MS4A10: variants seen among roughly 807,000 people sequenced by gnomAD.
MS4A10 encodes membrane spanning 4-domains A10.
MS4A10 carries 27 observed loss-of-function variants against 27.7 expected under a neutral mutation model. The ratio of observed to expected loss-of-function variants is 0.98; its 90% CI spans 0.72 to 1.35. MS4A10 has a LOEUF of 1.35. Ranked by LOEUF, MS4A10 falls within the 40% of genes most tolerant of loss-of-function variation. The pLI is 0.00. For missense variants in MS4A10, 338 were observed against 324.7 expected, an observed-to-expected ratio of 1.04 and a Z score of -0.32; for synonymous variants, 139 against 131.2, an observed-to-expected ratio of 1.06 and a Z score of -0.41.
chr11:60,796,483 G>A (rs894166134), intron 6 of MS4A10, among the ~76,000 whole-genome samples: 13 of 152,062 alleles, frequency 8.5e-5, no homozygotes, highest in African/African-American at 3.1e-4. Flanking sequence ...ATGAGGTTTT[G>A]CCATCCTGGC....
intron 3 of MS4A10, among the ~76,000 whole-genome samples, chr11:60,791,751 G>A (rs1854434170): frequency 6.6e-6 from 1 of 152,238 alleles, no homozygotes; most frequent in Non-Finnish European, 1.5e-5. Flanking sequence ...CACAGTGATA[G>A]AACTTTCCAC....
chr11:60,789,370 G>T (rs575077602), intron 1 of MS4A10, among the ~76,000 whole-genome samples: 24 of 152,286 alleles, frequency 1.6e-4, no homozygotes, highest in Admixed American at 1.4e-3. Context: ...GACTACGTTG[G>T]ATTTTCTCAC....
intron 5 of MS4A10, among the ~76,000 whole-genome samples, chr11:60,795,163 C>T (rs1215358949): frequency 6.6e-6 from 1 of 152,170 alleles, no homozygotes; most frequent in East Asian, 1.9e-4. Flanking sequence ...TGACTCCCAG[C>T]TGCACGGCTC....
At chr11:60,789,176 G>C (rs1466216677) in intron 1 of MS4A10, among the ~76,000 whole-genome samples, 3 of 152,186 alleles carry the variant, frequency 2.0e-5, no homozygotes, top group Non-Finnish European at 4.4e-5. Context: ...CCACAAGTCA[G>C]ACTTAAAAGT....
chr11:60,793,126 G>A (rs577911222), intron 4 of MS4A10, among the ~76,000 whole-genome samples: 1 of 152,222 alleles, frequency 6.6e-6, no homozygotes. Context: ...CCCAAGCCAG[G>A]TCCTTCCCTA....
chr11:60,799,406 T>C (rs1346699805), intron 7 of MS4A10, among the ~76,000 whole-genome samples: 2 of 152,230 alleles, frequency 1.3e-5, no homozygotes, highest in East Asian at 3.8e-4. Flanking sequence ...CCACACTGAT[T>C]CTTTTTTCTA....
rs374415721 is a variant in MS4A10, at chr11:60,797,876, C to A, written c.604-520C>A. Among the ~76,000 whole-genome samples the A allele has an allele frequency of 1.2e-3, 188 of 152,330 alleles. 5 individuals carry two copies. In the South Asian group the frequency reaches 0.036, roughly 29 times the overall value. On this transcript the variant is annotated intron_variant, in intron 6 of 7. Transcript: ENST00000308287. ...TACGTGACTTCCCATGGTCTCACAG[C>A]CAGTAAGTGGCCATGCCAGGTTCCC... is the stretch of plus-strand genomic sequence containing the variant.
chr11:60,798,392 G>T lies in MS4A10; in HGVS notation c.604-4G>T, dbSNP rs368935333. The T allele has an allele frequency of 1.2e-6, 2 of 1,611,902 alleles. No homozygotes were observed. The highest frequency in any genetic ancestry group is 1.7e-6 in the Non-Finnish European group (2 of 1,178,378). On this transcript the variant is annotated splice_polypyrimidine_tract_variant and splice_region_variant and intron_variant, in intron 6 of 7. Transcript: ENST00000308287. ...CAGCAGGGGCGGCGACTTTTCTTTCGCAGAATGATGATGCATGCCTTGTTC... is the reference window on the plus strand; with the variant it reads ...CAGCAGGGGCGGCGACTTTTCTTTCTCAGAATGATGATGCATGCCTTGTTC...
rs775191034 is a variant in MS4A10 at position 60,790,385 on chromosome 11, C to A, written c.50C>A (p.Pro17Gln). ...VIPSRCARGL[P>Q]SWQVLSPVQP... is the part of the protein sequence containing the mutation. ...CCCAGCCGTTGTGCTAGGGGGCTCC[C>A]ATCATGGCAAGTCCTCAGCCCAGTC... Residue 17 changes from proline (P) to glutamine (Q), a missense_variant, in exon 2 of 8, where the codon CCA (proline) becomes CAA (glutamine). By Grantham distance (76) the Pro-to-Gln change is moderately conservative. Transcript: ENST00000308287. 1 of 1,614,144 alleles carries A rather than the reference C, an allele frequency of 6.2e-7. No individual in the cohort carries two copies. Among genetic ancestry groups the A allele is most frequent in the Non-Finnish European group, 8.5e-7 (1 of 1,180,012 alleles).
At chr11:60,798,543 A>G (rs747800963) in intron 7 of MS4A10, 29 bp downstream of exon 7, 1 of 1,549,608 alleles carries the variant, frequency 6.5e-7, no homozygotes. Flanking sequence ...GGCTCCCCAG[A>G]CCTTCAGAAC....
At chr11:60,791,181 G>T in intron 3 of MS4A10, 88 bp downstream of exon 3, 1 of 1,554,326 alleles carries the variant, frequency 6.4e-7, no homozygotes, top group South Asian at 1.2e-5. Context: ...ATGCAGGGTG[G>T]GATAGAGAGA....
chr11:60,786,150 C>A (rs1262683845), intron 1 of MS4A10, among the ~76,000 whole-genome samples: 1 of 148,254 alleles, frequency 6.7e-6, no homozygotes, highest in Non-Finnish European at 1.5e-5. Context: ...CCTTGACATG[C>A]ATGCACATGC....
chr11:60,786,172 T>TGC (rs1854332178), intron 1 of MS4A10, among the ~76,000 whole-genome samples: 1 of 131,380 alleles, frequency 7.6e-6, no homozygotes, highest in Non-Finnish European at 1.7e-5. Context: ...TGCACACACA[T>TGC]GCACACACAC....
In MS4A10 at chr11:60,800,054, T is replaced by C. The variant is rs1854606833; in HGVS notation, c.*145T>C. On this transcript the variant is annotated 3_prime_UTR_variant, in exon 8 of 8. Transcript: ENST00000308287. ...CAGCAAAGTCAGCCCTCACAGCTCC[T>C]GGGAACGCTGTCCTCTCAGATAAGC... 2 of 347,424 alleles carry C rather than the reference T, an allele frequency of 5.8e-6. No homozygotes were observed. The highest frequency in any genetic ancestry group is 5.3e-5 in the African/African-American group (2 of 38,090). The allele number at this position is 347,424 out of a possible 1,614,324, so 21.5% of individuals were successfully genotyped here.
At chr11:60,789,733 T>C (rs909528854) in intron 1 of MS4A10, among the ~76,000 whole-genome samples, 10 of 152,340 alleles carry the variant, frequency 6.6e-5, no homozygotes, top group Non-Finnish European at 1.5e-4. Flanking sequence ...GTAATGCACG[T>C]AGAAGGTTTA....
intron 7 of MS4A10, among the ~76,000 whole-genome samples, chr11:60,799,007 G>A (rs953690201): frequency 2.0e-5 from 3 of 152,208 alleles, no homozygotes; most frequent in African/African-American, 7.2e-5. Context: ...CTGTGTGTCT[G>A]AATCCCTGGA....
intron 1 of MS4A10, among the ~76,000 whole-genome samples, chr11:60,786,239 G>A (rs1854336650): frequency 6.6e-6 from 1 of 151,216 alleles, no homozygotes; most frequent in African/African-American, 2.4e-5. Context: ...TGTCCTCTAG[G>A]GCTCCACTGC....
In MS4A10 at chr11:60,786,564, T is replaced by G. The variant is rs142271565; in HGVS notation, c.-23+1143T>G. Among the ~76,000 whole-genome samples, 205 of 151,684 alleles carry G rather than the reference T, an allele frequency of 1.4e-3. 1 individual carries two copies. Among genetic ancestry groups the G allele is most frequent in the African/African-American group, 4.7e-3 (195 of 41,172 alleles). ...CAGATGATAGGGACAGGGTGTATCA[T>G]GTCTTAACCAAGAACCAGACGAGGA... On this transcript the variant is annotated intron_variant, in intron 1 of 7. Transcript: ENST00000308287.
intron 2 of MS4A10, 55 bp downstream of exon 2, chr11:60,790,573 T>A: frequency 6.3e-7 from 1 of 1,593,518 alleles, no homozygotes; most frequent in African/African-American, 1.3e-5. Context: ...GAGGGGGATA[T>A]GAGGAGGATG....
Sources: gnomAD v4.1 joint callset for allele counts (sites outside exome capture counted in the v4.1 genomes callset) on GRCh38, gnomAD v4.1.1 for gene constraint, MANE v1.5 for transcripts, NCBI Gene and HGNC (gene_info 2026-07-23, HGNC 2026-07-21) for gene names.